The following TPPP2 variants were observed in gnomAD, a reference collection of about 807,000 sequenced individuals.
TPPP2 encodes the protein tubulin polymerization promoting protein family member 2.
A neutral mutation model predicts 13.0 loss-of-function variants in TPPP2; 8 were observed. The observed-to-expected ratio is 0.62, with a 90% CI of 0.36 to 1.11. The LOEUF is 1.11. TPPP2 is among the 50% of genes most tolerant of loss of function. TPPP2 has a pLI of 0.02. For synonymous variants in TPPP2, 81 were observed against 81.8 expected, an observed-to-expected ratio of 0.99 and a Z score of 0.05; for missense variants, 213 against 216.9, an observed-to-expected ratio of 0.98 and a Z score of 0.11.
At chr14:21,027,912 A>G (rs1214629750), upstream of TPPP2, among the ~76,000 whole-genome samples, 2 of 152,246 alleles carry the variant, frequency 1.3e-5, no homozygotes, top group African/African-American at 4.8e-5. Flanking sequence ...AGAGAGCATG[A>G]AGGACAGTTT....
At chr14:21,034,206 C>T (rs368409164), downstream of TPPP2, 101 of 1,613,970 alleles carry the variant, frequency 6.3e-5, no homozygotes, top group Non-Finnish European at 8.1e-5. Flanking sequence ...GTTCCTGCTG[C>T]CAATCTGCAT....
chr14:21,033,137 G>C (rs774460679), downstream of TPPP2: 14 of 379,832 alleles, frequency 3.7e-5, no homozygotes, highest in African/African-American at 3.0e-4. Flanking sequence ...GGAAGAAAAA[G>C]AGGTTGGAAA....
chr14:21,034,793 G>T (rs1884508952), downstream of TPPP2: 1 of 155,630 alleles, frequency 6.4e-6, no homozygotes, highest in Non-Finnish European at 1.4e-5. Context: ...AATCAGTCTG[G>T]GAGGAGGGAA....
rs971366601 is a variant in TPPP2 at position 21,025,122 on chromosome 14, A to G, written n.236+778A>G. On this transcript the variant is annotated intron_variant and non_coding_transcript_variant, in intron 1 of 1. Transcript: ENST00000533755. This position sits in a 1 kb window ranked among gnomAD's most constrained non-coding sequence, Gnocchi z 5.1. ...CGCAGACCCGCCCCCGGCCCGCCCC[A>G]GCCCGCCCACGGGCGCTAGGCTCCC... 6 of 969,584 alleles carry G rather than the reference A, an allele frequency of 6.2e-6. No individual in the cohort carries two copies. The African/African-American group carries it at 9.4e-5, about 15-fold the overall frequency. 60.1% of individuals were successfully genotyped at this position (969,584 alleles called of 1,614,324 possible). A position where few individuals can be genotyped will look rare whatever the true frequency, so the allele number is the denominator to read the frequency against.
rs911427249 is a variant in TPPP2, at chr14:21,031,177, C to T, written c.327+12C>T. 1 of 1,611,930 alleles carries T rather than the reference C, an allele frequency of 6.2e-7. No homozygotes were observed. The highest frequency in any genetic ancestry group is 8.5e-7 in the Non-Finnish European group (1 of 1,179,012). On this transcript the variant is annotated intron_variant, in intron 3 of 3. Transcript: ENST00000321760. ...CCACTGGCGCTACTGTGAGTGACAG[C>T]CTTCATCCCCTTGACCCTACTTCCC...
At chr14:21,027,059 C>T (rs1883730156), upstream of TPPP2, among the ~76,000 whole-genome samples, 1 of 152,130 alleles carries the variant, frequency 6.6e-6, no homozygotes, top group South Asian at 2.1e-4. Flanking sequence ...GTCAGGATGA[C>T]TCAGGGGGAA....
chr14:21,031,987 G>A lies in TPPP2; in HGVS notation c.423G>A (p.Lys141=). Reference sequence around the variant, plus strand: ...GCTTTGATGAGAGTGGCAAGGGCAAGGGCATTGCGGGACGGGAAGAGATGA... The same window carrying A: ...GCTTTGATGAGAGTGGCAAGGGCAAAGGCATTGCGGGACGGGAAGAGATGA... The part of the protein sequence containing the change: ...KERFDESGKG[K]GIAGREEMTD... Residue 141 remains lysine (K), a synonymous_variant, in exon 4 of 4, where the codon AAG becomes AAA. Coordinates refer to ENST00000321760, the MANE Select transcript of TPPP2 (RefSeq NM_173846.5). 6.2e-7 allele frequency: 1 copy of A among 1,614,156 alleles called. No homozygotes were observed. The highest frequency in any genetic ancestry group is 1.1e-5 in the South Asian group (1 of 91,090).
chr14:21,034,368 G>A (rs1053140171), downstream of TPPP2: 5 of 1,008,982 alleles, frequency 5.0e-6, no homozygotes, highest in Non-Finnish European at 7.4e-6. Context: ...AGAGCCTCCA[G>A]CATTCCCAAC....
At chr14:21,025,398 A>G (rs550323210), upstream of TPPP2, 24 of 985,536 alleles carry the variant, frequency 2.4e-5, no homozygotes, top group Non-Finnish European at 2.9e-5. The surrounding 1 kb of genome is among the most constrained non-coding windows in gnomAD (Gnocchi z 5.1). Flanking sequence ...CACGACCTGG[A>G]TCTGCAATTG....
In TPPP2 at chr14:21,031,280, T is replaced by C. The variant is rs79270812; in HGVS notation, c.327+115T>C. On this transcript the variant is annotated intron_variant, in intron 3 of 3. Transcript: ENST00000321760. Reference sequence around the variant, plus strand: ...GTAGAGACAGGGCCGAAACAGACTTTAGAGATCATCTAGACATTCCAGAAG... The same window carrying C: ...GTAGAGACAGGGCCGAAACAGACTTCAGAGATCATCTAGACATTCCAGAAG... The C allele has an allele frequency of 1.1e-3, 1,460 of 1,374,528 alleles. 39 individuals are homozygous for C. In the East Asian group the frequency reaches 0.035, roughly 33 times the overall value. 85.1% of individuals were successfully genotyped at this position (1,374,528 alleles called of 1,614,324 possible).
rs1243462 is a variant in TPPP2 at position 21,032,236 on chromosome 14, A to C, written c.*159A>C. 1 of 771,892 alleles carries C rather than the reference A, an allele frequency of 1.3e-6. No homozygotes were observed. The highest frequency in any genetic ancestry group is 2.2e-6 in the Non-Finnish European group (1 of 448,684). 47.8% of individuals were successfully genotyped at this position (771,892 alleles called of 1,614,324 possible). A position where few individuals can be genotyped will look rare whatever the true frequency, so the allele number is the denominator to read the frequency against. ...TAGAGAGAGGGAGAAGAGGCAGCAC[A>C]GGAGGGTGGGTTCTCCACCACACAC... On this transcript the variant is annotated 3_prime_UTR_variant, in exon 4 of 4. Transcript: ENST00000321760.
At chr14:21,029,425 A>G (rs1025838484), upstream of TPPP2, among the ~76,000 whole-genome samples, 6 of 151,948 alleles carry the variant, frequency 3.9e-5, no homozygotes, top group African/African-American at 1.5e-4. Context: ...ACATGGCAAA[A>G]CCCCGTCTCT....
At chr14:21,036,099 C>T (rs924073674), downstream of TPPP2, 2 of 432,196 alleles carry the variant, frequency 4.6e-6, no homozygotes, top group Non-Finnish European at 9.2e-6. Context: ...CATGGTGAGT[C>T]CTCAGTATGA....
At chr14:21,025,522 AC>A (rs1883435181), upstream of TPPP2, 1 of 985,262 alleles carries the variant, frequency 1.0e-6, no homozygotes. The surrounding 1 kb of genome is among the most constrained non-coding windows in gnomAD (Gnocchi z 5.1). Flanking sequence ...AACACAGAGA[AC>A]TAGATTAAGA....
chr14:21,024,502 C>G, intron 1 of TPPP2: 1 of 984,992 alleles, frequency 1.0e-6, no homozygotes, highest in South Asian at 4.7e-5. Flanking sequence ...TTTTTGACAG[C>G]TCTCCAGTAA....
downstream of TPPP2, chr14:21,034,024 TA>T: frequency 6.2e-7 from 1 of 1,614,168 alleles, no homozygotes; most frequent in Non-Finnish European, 8.5e-7. Context: ...AAGCTGTCAC[TA>T]TACTTGCAGA....
In TPPP2 at chr14:21,032,080, AG is replaced by A. The variant is rs1243938718; in HGVS notation, c.*5del. 5.0e-6 allele frequency: 8 copies of A among 1,610,434 alleles called. No individual in the cohort carries two copies. The highest frequency in any genetic ancestry group is 5.9e-6 in the Non-Finnish European group (7 of 1,176,972). On this transcript the variant is annotated 3_prime_UTR_variant, in exon 4 of 4. Coordinates refer to ENST00000321760, the MANE Select transcript of TPPP2 (RefSeq NM_173846.5). ...CCTACGATAAGAAGACCAAGTAGAGAGGAGCTTCATCTCAGCCTGCTAGCCC... is the reference window on the plus strand; with the variant it reads ...CCTACGATAAGAAGACCAAGTAGAGAGAGCTTCATCTCAGCCTGCTAGCCC...
downstream of TPPP2, chr14:21,033,741 T>A (rs745801293): frequency 6.8e-6 from 7 of 1,024,544 alleles, no homozygotes; most frequent in African/African-American, 1.1e-4. Flanking sequence ...AGGAAGGAAG[T>A]CTTGTTACAG....
intron 1 of TPPP2, chr14:21,024,806 C>T: frequency 3.0e-6 from 3 of 985,634 alleles, no homozygotes; most frequent in Non-Finnish European, 3.6e-6. Flanking sequence ...CTTGCGTGGC[C>T]GGTGCCAAGC....
Sources: allele counts gnomAD v4.1 joint callset (sites outside exome capture counted in the v4.1 genomes callset), GRCh38; gene constraint gnomAD v4.1.1; non-coding constraint Gnocchi (gnomAD v3.1); transcripts MANE v1.5; gene names NCBI Gene and HGNC (gene_info 2026-07-23, HGNC 2026-07-21).